The following PIK3R5 variants were observed in gnomAD, a reference collection of about 807,000 sequenced individuals.
The protein encoded by PIK3R5 is phosphoinositide-3-kinase regulatory subunit 5.
PIK3R5 carries 32 observed loss-of-function variants against 94.9 expected under a neutral mutation model. The observed-to-expected ratio is 0.34, with a 90% CI of 0.25 to 0.45. The LOEUF (loss-of-function observed/expected upper bound fraction) is 0.45, where lower values mean the gene tolerates loss of function less well. Among genes scored for constraint, PIK3R5 ranks in the 20% least tolerant of loss-of-function variants. PIK3R5 has a pLI of 1.00. For synonymous variants in PIK3R5, 443 were observed against 479.4 expected (o/e 0.92, Z 0.99); for missense variants, 853 against 1,144.6 (o/e 0.75, Z 3.68).
chr17:8,940,963 TC>T (rs2091169066), intron 1 of PIK3R5, among the ~76,000 whole-genome samples: 1 of 152,148 alleles, frequency 6.6e-6, no homozygotes, highest in Non-Finnish European at 1.5e-5. Context: ...ATTCAAGGCA[TC>T]CCCGCTCCTC....
At chr17:8,886,408 C>A (rs560547768) in intron 13 of PIK3R5, 69 bp downstream of exon 13, 8 of 1,601,766 alleles carry the variant, frequency 5.0e-6, no homozygotes, top group Non-Finnish European at 6.8e-6. Flanking sequence ...CTGGCTCTCC[C>A]GGGGCAGGGG....
intron 5 of PIK3R5, among the ~76,000 whole-genome samples, chr17:8,897,929 A>ATGTG (rs35726243): frequency 2.0e-5 from 3 of 151,386 alleles, no homozygotes; most frequent in Non-Finnish European, 4.4e-5. Context: ...GTGTGTGTGT[A>ATGTG]TGTGTGTGTG....
In PIK3R5 at chr17:8,881,698, C is replaced by T. The variant is rs1208770582; in HGVS notation, c.2314G>A (p.Ala772Thr). The T allele has an allele frequency of 3.1e-6, 5 of 1,613,874 alleles. No individual in the cohort carries two copies. The highest frequency in any genetic ancestry group is 1.3e-5 in the African/African-American group (1 of 74,888). The part of the protein sequence containing the change: ...KQEELDSSME[A>T]LTLNLTEVVK... The stretch of plus-strand genomic sequence containing the variant: ...ACTTCTGTCAGGTTTAGCGTCAGGG[C>T]CTCCATGCTGGAATCTGAGGGGCAA... The change falls in exon 17 of 19, where the codon GCC becomes ACC. Residue 772 changes from alanine (A) to threonine (T), a missense_variant. Physicochemically the swap from Ala to Thr is moderately conservative, Grantham distance 58. Around this residue, in one of 6 missense-constraint regions of PIK3R5, gnomAD observed 173 missense variants for 274.1 expected, o/e 0.63. Coordinates refer to ENST00000447110, the MANE Select transcript of PIK3R5 (RefSeq NM_001142633.3). This position sits in a 1 kb window ranked among gnomAD's most constrained non-coding sequence, Gnocchi z 4.8.
At chr17:8,947,924 TC>T (rs1395266793) in intron 1 of PIK3R5, among the ~76,000 whole-genome samples, 5 of 150,962 alleles carry the variant, frequency 3.3e-5, no homozygotes. Flanking sequence ...GCGCCTGTAG[TC>T]CCAGCTACTT....
intron 5 of PIK3R5, among the ~76,000 whole-genome samples, chr17:8,897,245 C>G (rs1421940974): frequency 2.0e-5 from 3 of 152,136 alleles, no homozygotes; most frequent in African/African-American, 7.2e-5. Context: ...GAATCTCTGG[C>G]CACCGGGAGT....
chr17:8,908,573 A>ACACACACACAC (rs1555548559), intron 3 of PIK3R5, among the ~76,000 whole-genome samples: 2 of 148,706 alleles, frequency 1.3e-5, no homozygotes, highest in African/African-American at 2.5e-5. Context: ...ACACACACAC[A>ACACACACACAC]ACCATAAAAG....
rs183591252 is a variant in PIK3R5 at position 8,890,006 on chromosome 17, C to A, written c.778G>T (p.Val260Leu). The A allele has an allele frequency of 6.2e-7, 1 of 1,613,974 alleles. No individual in the cohort carries two copies. The highest frequency in any genetic ancestry group is 1.3e-5 in the African/African-American group (1 of 75,012). The change falls in exon 8 of 19, where the codon GTG (valine) becomes TTG (leucine). Residue 260 changes from valine (V) to leucine (L), a missense_variant. This residue lies in a region of PIK3R5 where 161 missense variants were observed against 249.5 expected (regional missense o/e 0.65). Transcript: ENST00000447110. The surrounding 1 kb of genome is among the most constrained non-coding windows in gnomAD (Gnocchi z 6.1). ...CCAGGGAAGCCAGCTTTTTCTCCCA[C>A]CGCCTGCAGCTTGGTCCTGAGCCAC... ...RRWLRTKLQA[V>L]GEKAGFPGVL...
intron 1 of PIK3R5, among the ~76,000 whole-genome samples, chr17:8,920,930 C>T (rs1283257043): frequency 1.3e-5 from 2 of 151,546 alleles, no homozygotes; most frequent in African/African-American, 4.9e-5. Flanking sequence ...CAACCTCTGC[C>T]TCCCAGGTTC....
rs138654924 is a variant in PIK3R5 at position 8,880,326 on chromosome 17, TC to T, written c.*312del. On this transcript the variant is annotated 3_prime_UTR_variant, in exon 19 of 19. Transcript: ENST00000447110. The stretch of plus-strand genomic sequence containing the variant: ...CCCTGAGCACCAGAGCCTCAGATCT[TC>T]CTTCTAGAAAGGATCCTAGACCATG... 3.1e-3 allele frequency: 767 copies of T among 248,392 alleles called. 3 individuals carry two copies. The highest frequency in any genetic ancestry group is 0.016 in the African/African-American group (732 of 45,004). The allele number at this position is 248,392 out of a possible 1,614,324, so 15.4% of individuals were successfully genotyped here. A position where few individuals can be genotyped will look rare whatever the true frequency, so the allele number is the denominator to read the frequency against.
chr17:8,896,911 A>G lies in PIK3R5; in HGVS notation c.413-3256T>C, dbSNP rs998942050. Among the ~76,000 whole-genome samples the G allele has an allele frequency of 6.6e-6, 1 of 152,204 alleles. No homozygotes were observed. Among genetic ancestry groups the G allele is most frequent in the Non-Finnish European group, 1.5e-5 (1 of 68,034 alleles). ...AGAGCCCGGCCCCAACGGCATTGCA[A>G]TCTCCAAATGAGACTAGATCAGGTT... On this transcript the variant is annotated intron_variant, in intron 5 of 18. Coordinates refer to ENST00000447110, the MANE Select transcript of PIK3R5 (RefSeq NM_001142633.3). The surrounding 1 kb of genome is among the most constrained non-coding windows in gnomAD (Gnocchi z 4.0).
chr17:8,888,456 T>C lies in PIK3R5; in HGVS notation c.1331A>G (p.Glu444Gly). ...GGGCAGGGCCGTGTCCGAGCTGCCC[T>C]CCAGGCTCCGAGAGTCCCTCCGCAG... Reference protein sequence around the residue: ...LVLRRDSRSLEGSSDTALPLR... With the variant: ...LVLRRDSRSLGGSSDTALPLR... Residue 444 changes from glutamate (E) to glycine (G), a missense_variant, in exon 10 of 19, where the codon GAG becomes GGG. Physicochemically the swap from Glu to Gly is moderately conservative, Grantham distance 98 (BLOSUM62 -2). Transcript: ENST00000447110. This position sits in a 1 kb window ranked among gnomAD's most constrained non-coding sequence, Gnocchi z 7.8. The C allele has an allele frequency of 6.3e-7, 1 of 1,599,850 alleles. No individual in the cohort carries two copies.
At chr17:8,964,867 C>A (rs141495028) in intron 1 of PIK3R5, among the ~76,000 whole-genome samples, 2 of 152,210 alleles carry the variant, frequency 1.3e-5, no homozygotes, top group African/African-American at 4.8e-5. Flanking sequence ...CTTGTTAACT[C>A]GCTTTATACC....
intron 1 of PIK3R5, among the ~76,000 whole-genome samples, chr17:8,930,169 AAGAT>A (rs1363586872): frequency 8.5e-5 from 13 of 152,304 alleles, no homozygotes; most frequent in Admixed American, 3.9e-4. Context: ...AACATAAACT[AAGAT>A]AGATCATATC....
At position 8,887,573 on chromosome 17, in the gene PIK3R5, C is replaced by T. The variant is rs201753345; in HGVS notation, c.1727G>A (p.Arg576Gln). The T allele has an allele frequency of 1.7e-5, 28 of 1,608,626 alleles. No homozygotes were observed. Among genetic ancestry groups the T allele is most frequent in the Admixed American group, 1.5e-4 (9 of 59,316 alleles). ...GTSPGACPPPRSQTPSPPTDS... is the reference protein window; with the variant it reads ...GTSPGACPPPQSQTPSPPTDS... The stretch of plus-strand genomic sequence containing the variant: ...TGTCGGGGGTGAGGGCGTCTGGCTC[C>T]GAGGGGGTGGACAGGCACCAGGGCT... Residue 576 changes from arginine to glutamine, a missense_variant, in exon 11 of 19, where the codon CGG (arginine) becomes CAG (glutamine). Arg to Gln is a conservative substitution (Grantham distance 43, BLOSUM62 1). Transcript: ENST00000447110.
Position 8,886,338 on chromosome 17 carries a change from G to T in PIK3R5, c.2035-16C>A. Reference sequence around the variant, plus strand: ...TGAAGGTCAGCTGGAGAGGGCAGGAGCATGTACATCAGTGTGAACCTCCTG... The same window carrying T: ...TGAAGGTCAGCTGGAGAGGGCAGGATCATGTACATCAGTGTGAACCTCCTG... On this transcript the variant is annotated splice_polypyrimidine_tract_variant and intron_variant, in intron 13 of 18. Transcript: ENST00000447110. 6.2e-7 allele frequency: 1 copy of T among 1,607,500 alleles called. No individual in the cohort carries two copies. Among genetic ancestry groups the T allele is most frequent in the South Asian group, 1.1e-5 (1 of 90,932 alleles).
rs2090062236 is a variant in PIK3R5, at chr17:8,892,962, CAT to C, written c.482+622_482+623del. 6.6e-6 allele frequency among the ~76,000 whole-genome samples: 1 copy of C among 151,932 alleles called. No individual in the cohort carries two copies. The highest frequency in any genetic ancestry group is 1.5e-5 in the Non-Finnish European group (1 of 68,018). On this transcript the variant is annotated intron_variant, in intron 6 of 18. Coordinates refer to ENST00000447110, the MANE Select transcript of PIK3R5 (RefSeq NM_001142633.3). The surrounding 1 kb of genome is among the most constrained non-coding windows in gnomAD (Gnocchi z 4.3). The stretch of plus-strand genomic sequence containing the variant: ...AGGACACAGGAGTGGGTAATGAAAT[CAT>C]CTGGGGAGCCAAATTTGTTTCTTAA...
Position 8,888,776 on chromosome 17 carries a change from G to A in PIK3R5, c.1011C>T (p.Asp337=), listed in dbSNP as rs16957702. 458,166 of 1,612,304 alleles carry A rather than the reference G, an allele frequency of 0.28. 68,661 individuals are homozygous for A. The highest frequency in any genetic ancestry group is 0.31 in the Non-Finnish European group (363,918 of 1,179,436). The change falls in exon 10 of 19, where the codon GAC becomes GAT. Residue 337 remains aspartate (D), a synonymous_variant. Transcript: ENST00000447110. The surrounding 1 kb of genome is among the most constrained non-coding windows in gnomAD (Gnocchi z 7.8). ...GGGAATCTCTCTCGGCACAGTGCCC[G>A]TCAGTTTCCAAGTCCTCCTCCACCT... ...EEEVEEDLET[D]GHCAERDSLL...
At chr17:8,914,439 C>T (rs932817991) in intron 1 of PIK3R5, among the ~76,000 whole-genome samples, 7 of 152,192 alleles carry the variant, frequency 4.6e-5, no homozygotes, top group South Asian at 2.1e-4. Context: ...TTGTCAAGGA[C>T]GTGGGCGCAG....
Position 8,911,335 on chromosome 17 carries a change from G to A in PIK3R5, c.103+57C>T, listed in dbSNP as rs915131275. ...TTCCATGCCTGGTCCAGTGCCCACC[G>A]TGGCCCCTGAGGCTTCCTTGAGCCC... is the stretch of plus-strand genomic sequence containing the variant. On this transcript the variant is annotated intron_variant, in intron 2 of 18. Transcript: ENST00000447110. The surrounding 1 kb of genome is among the most constrained non-coding windows in gnomAD (Gnocchi z 5.3). 20 of 1,351,510 alleles carry A rather than the reference G, an allele frequency of 1.5e-5. No individual in the cohort carries two copies. Among genetic ancestry groups the A allele is most frequent in the African/African-American group, 4.3e-5 (3 of 70,346 alleles). 83.7% of individuals were successfully genotyped at this position (1,351,510 alleles called of 1,614,324 possible).
Sources: gnomAD v4.1 joint callset for allele counts (sites outside exome capture counted in the v4.1 genomes callset) on GRCh38, gnomAD v4.1.1 for gene constraint, gnomAD v4.1.1 regional missense constraint, Gnocchi (gnomAD v3.1) non-coding constraint, MANE v1.5 for transcripts, NCBI Gene and HGNC (gene_info 2026-07-23, HGNC 2026-07-21) for gene names.